The following ZNF385D variants were observed in gnomAD, a reference collection of about 807,000 sequenced individuals.
ZNF385D encodes zinc finger protein 659.
In ZNF385D, 15 loss-of-function variants were observed where a neutral mutation model predicts 35.8. The observed-to-expected ratio is 0.42, with a 90% CI of 0.28 to 0.64. The LOEUF is 0.64. Ranked by LOEUF, ZNF385D falls within the 30% of genes least tolerant of loss-of-function variation. The probability of loss-of-function intolerance (pLI) is 0.23; values close to 1 mark genes in which losing one functional copy is unlikely to be tolerated. For synonymous variants in ZNF385D, 212 were observed against 186.8 expected (o/e 1.13, Z -1.10); for missense variants, 474 against 494.6 (o/e 0.96, Z 0.39).
At chr3:22,078,925 ATG>A (rs1408491285) in intron 3 of ZNF385D, among the ~76,000 whole-genome samples, 8 of 152,192 alleles carry the variant, frequency 5.3e-5, no homozygotes, top group African/African-American at 1.7e-4. Context: ...TTGTCAAAAA[ATG>A]TGTGGAAATT....
chr3:22,329,915 A>G (rs1032795338), intron 2 of ZNF385D, among the ~76,000 whole-genome samples: 2 of 152,232 alleles, frequency 1.3e-5, no homozygotes, highest in African/African-American at 4.8e-5. Flanking sequence ...GCACATCTCA[A>G]TTCAGACTAG....
chr3:22,254,891 C>G (rs1700235839), intron 2 of ZNF385D, among the ~76,000 whole-genome samples: 1 of 151,688 alleles, frequency 6.6e-6, no homozygotes, highest in African/African-American at 2.4e-5. Context: ...TCTCTGATCA[C>G]AAAGATGGCC....
At chr3:22,043,076 C>G (rs534695803) in intron 3 of ZNF385D, among the ~76,000 whole-genome samples, 1 of 149,812 alleles carries the variant, frequency 6.7e-6, no homozygotes, top group East Asian at 2.0e-4. Context: ...CACGATCATT[C>G]CTTGACATTT....
intron 3 of ZNF385D, among the ~76,000 whole-genome samples, chr3:21,952,316 G>A (rs535655553): frequency 4.0e-5 from 6 of 151,600 alleles, no homozygotes; most frequent in Non-Finnish European, 5.9e-5. Context: ...ACTCTCTAAC[G>A]TGACATTTTC....
chr3:21,663,261 C>A (rs1434325869), intron 2 of ZNF385D, among the ~76,000 whole-genome samples: 1 of 152,144 alleles, frequency 6.6e-6, no homozygotes, highest in African/African-American at 2.4e-5. Flanking sequence ...CATCACTCAT[C>A]TTTGTTTTAT....
intron 3 of ZNF385D, among the ~76,000 whole-genome samples, chr3:21,920,540 T>G (rs1212649769): frequency 6.6e-6 from 1 of 150,420 alleles, no homozygotes; most frequent in Non-Finnish European, 1.5e-5. Flanking sequence ...TAACATAGGC[T>G]TAAGCAAGCC....
intron 3 of ZNF385D, among the ~76,000 whole-genome samples, chr3:22,072,909 TTCAGGGCC>T (rs1700295712): frequency 6.6e-6 from 1 of 151,964 alleles, no homozygotes; most frequent in Non-Finnish European, 1.5e-5. Flanking sequence ...CCCGGGAAGA[TTCAGGGCC>T]AAGAGAAAAG....
chr3:22,326,611 A>G (rs1194588981), intron 2 of ZNF385D, among the ~76,000 whole-genome samples: 4 of 152,176 alleles, frequency 2.6e-5, no homozygotes. Flanking sequence ...CCAGGAATGG[A>G]GCATCTGTCT....
chr3:22,200,530 G>T (rs1696716308), intron 2 of ZNF385D, among the ~76,000 whole-genome samples: 1 of 152,000 alleles, frequency 6.6e-6, no homozygotes. Context: ...AGTACCACAG[G>T]ACCACGGTGA....
intron 3 of ZNF385D, among the ~76,000 whole-genome samples, chr3:22,163,065 T>C (rs996938581): frequency 1.3e-5 from 2 of 152,118 alleles, no homozygotes; most frequent in Non-Finnish European, 2.9e-5. Context: ...GTCTACCCAC[T>C]TTTGAGGCAA....
intron 5 of ZNF385D, 83 bp from the exon 6 acceptor site, chr3:21,425,753 A>AAAAAAAAAAC: frequency 7.5e-7 from 1 of 1,338,040 alleles, no homozygotes; most frequent in Non-Finnish European, 1.0e-6. Flanking sequence ...GAGGAAAAAA[A>AAAAAAAAAAC]TCTTAGCTAG....
rs560186841 is a variant in ZNF385D, at chr3:21,819,750, G to A, written c.326-154722C>T. On this transcript the variant is annotated intron_variant, in intron 3 of 5. Coordinates refer to the ZNF385D transcript ENST00000494108. ...TGTACGTGTGTATATATACACACAC[G>A]TACACATAATTATATATAATTAATA... Among the ~76,000 whole-genome samples the A allele has an allele frequency of 8.1e-3, 966 of 118,590 alleles. 19 individuals are homozygous for A. The highest frequency in any genetic ancestry group is 0.029 in the African/African-American group (924 of 32,314). 77.8% of individuals were successfully genotyped at this position (118,590 alleles called of 152,430 possible). A position where few individuals can be genotyped will look rare whatever the true frequency, so the allele number is the denominator to read the frequency against.
intron 2 of ZNF385D, among the ~76,000 whole-genome samples, chr3:22,276,409 A>G (rs998593481): frequency 6.6e-5 from 10 of 152,258 alleles, no homozygotes; most frequent in East Asian, 5.8e-4. Context: ...ATGAAGTGGT[A>G]TAAGAGTTTA....
At chr3:21,729,925 T>C (rs1027519669) in intron 1 of ZNF385D, among the ~76,000 whole-genome samples, 2 of 152,220 alleles carry the variant, frequency 1.3e-5, no homozygotes, top group South Asian at 2.1e-4. Context: ...GCTTTCACAA[T>C]GCACGGACTT....
intron 3 of ZNF385D, among the ~76,000 whole-genome samples, chr3:21,932,358 G>A (rs904228608): frequency 6.6e-6 from 1 of 151,680 alleles, no homozygotes; most frequent in Admixed American, 6.6e-5. Context: ...ATTAGTCAAA[G>A]CAAGTTTTCA....
At chr3:21,968,018 G>GAA (rs1703006501) in intron 3 of ZNF385D, among the ~76,000 whole-genome samples, 1 of 152,310 alleles carries the variant, frequency 6.6e-6, no homozygotes, top group South Asian at 2.1e-4. Flanking sequence ...AGGTAGGAAA[G>GAA]AAAGTCTTGA....
intron 2 of ZNF385D, among the ~76,000 whole-genome samples, chr3:21,569,620 T>G (rs527773002): frequency 3.7e-4 from 56 of 151,624 alleles, no homozygotes; most frequent in South Asian, 1.7e-3. Flanking sequence ...GTTAGCTGGT[T>G]ATTTTGCTCG....
In ZNF385D at chr3:21,908,678, G is replaced by A. The variant is rs1699815181; in HGVS notation, c.326-243650C>T. Among the ~76,000 whole-genome samples the A allele has an allele frequency of 2.0e-5, 3 of 151,992 alleles. No homozygotes were observed. In the South Asian group the frequency reaches 6.2e-4, roughly 31 times the overall value. On this transcript the variant is annotated intron_variant, in intron 3 of 5. Transcript: ENST00000494108. ...AATTTGGCCAGATTCAAGAATGACA[G>A]AAGAAATTCCAGGGAAAGAAAACAG...
At chr3:21,860,320 T>G (rs1559698953) in intron 3 of ZNF385D, among the ~76,000 whole-genome samples, 1 of 152,110 alleles carries the variant, frequency 6.6e-6, no homozygotes, top group Non-Finnish European at 1.5e-5. Flanking sequence ...TGGGACTGCA[T>G]TACTATTAAG....
Sources: gnomAD v4.1 joint callset for allele counts (sites outside exome capture counted in the v4.1 genomes callset) on GRCh38, gnomAD v4.1.1 for gene constraint, MANE v1.5 for transcripts, NCBI Gene and HGNC (gene_info 2026-07-23, HGNC 2026-07-21) for gene names.